Variants in ALDH1A2 observed in about 807,000 individuals in gnomAD.
ALDH1A2 encodes the protein aldehyde dehydrogenase 1 family member A2, also known as retinal dehydrogenase 2.
ALDH1A2 carries 27 observed loss-of-function variants against 60.3 expected under a neutral mutation model. The observed-to-expected ratio is 0.45, with a 90% CI of 0.33 to 0.62. The LOEUF is 0.62. Ranked by LOEUF, ALDH1A2 falls within the 20% of genes least tolerant of loss-of-function variation. The pLI is 0.02. For missense variants in ALDH1A2, 581 were observed against 643.8 expected (o/e 0.90, Z 1.06); for synonymous variants, 289 against 232.4 (o/e 1.24, Z -2.21).
chr15:58,040,201 C>T (rs1412280617), intron 1 of ALDH1A2, among the ~76,000 whole-genome samples: 1 of 151,936 alleles, frequency 6.6e-6, no homozygotes, highest in Non-Finnish European at 1.5e-5. Context: ...GAACACCTCT[C>T]TGCATATTCT....
At chr15:57,958,148 G>C (rs1305506774) in intron 12 of ALDH1A2, among the ~76,000 whole-genome samples, 1 of 152,118 alleles carries the variant, frequency 6.6e-6, no homozygotes, top group Non-Finnish European at 1.5e-5. Context: ...CCCTAGATAC[G>C]CATGCTTAAC....
chr15:58,028,018 G>A (rs1223165918), intron 1 of ALDH1A2, among the ~76,000 whole-genome samples: 2 of 152,128 alleles, frequency 1.3e-5, no homozygotes, highest in Non-Finnish European at 2.9e-5. Flanking sequence ...AGCAAGGCAG[G>A]CCAGCATTCA....
At position 57,953,703 on chromosome 15, in the gene ALDH1A2, G is replaced by GAGTT. The variant is rs1270696299; in HGVS notation, c.*1490_*1493dup. 2.0e-5 allele frequency: 3 copies of GAGTT among 152,354 alleles called. No homozygotes were observed. Among genetic ancestry groups the GAGTT allele is most frequent in the Admixed American group, 6.5e-5 (1 of 15,286 alleles). 9.4% of individuals were successfully genotyped at this position (152,354 alleles called of 1,614,324 possible). On this transcript the variant is annotated 3_prime_UTR_variant, in exon 13 of 13. Transcript: ENST00000249750. ...ACTTTAAAACATCATGGATAGATAA[G>GAGTT]AGTTATAAATAGAAAACTGGTACGG...
intron 1 of ALDH1A2, among the ~76,000 whole-genome samples, chr15:58,047,974 G>C (rs575377374): frequency 2.8e-4 from 42 of 152,136 alleles, no homozygotes; most frequent in Admixed American, 2.6e-3. Flanking sequence ...CATGGTTTTA[G>C]AAAGCTTGCT....
At chr15:58,027,913 C>G (rs1896122463) in intron 1 of ALDH1A2, among the ~76,000 whole-genome samples, 1 of 152,134 alleles carries the variant, frequency 6.6e-6, no homozygotes, top group Non-Finnish European at 1.5e-5. Context: ...AAGACCAACT[C>G]TATGTTTGAT....
rs1410400769 is a variant in ALDH1A2, at chr15:57,954,975, C to T, written c.*222G>A. 3.3e-6 allele frequency: 2 copies of T among 603,196 alleles called. No individual in the cohort carries two copies. Among genetic ancestry groups the T allele is most frequent in the Non-Finnish European group, 5.9e-6 (2 of 337,030 alleles). The allele number at this position is 603,196 out of a possible 1,614,324, so 37.4% of individuals were successfully genotyped here. A position where few individuals can be genotyped will look rare whatever the true frequency, so the allele number is the denominator to read the frequency against. The stretch of plus-strand genomic sequence containing the variant: ...TCCTCCTCCCTTTATCCCACTTTCC[C>T]CAATATTTGGTATGATTAAGGTGGC... On this transcript the variant is annotated 3_prime_UTR_variant, in exon 13 of 13. Coordinates refer to ENST00000249750, the MANE Select transcript of ALDH1A2 (RefSeq NM_003888.4).
At position 58,047,565 on chromosome 15, in the gene ALDH1A2, T is replaced by C. The variant is rs144110297; in HGVS notation, c.117+17969A>G. Among the ~76,000 whole-genome samples the C allele has an allele frequency of 2.4e-3, 363 of 152,128 alleles. 1 individual carries two copies. The highest frequency in any genetic ancestry group is 8.4e-3 in the African/African-American group (348 of 41,538). On this transcript the variant is annotated intron_variant, in intron 1 of 12. Transcript: ENST00000249750. ...AACTGTATTGATGATCATCTCAGTA[T>C]GGCACTCTGTAAGGCTGGTGTCCTT...
chr15:57,956,692 C>G (rs749695924), intron 12 of ALDH1A2, among the ~76,000 whole-genome samples: 4 of 152,234 alleles, frequency 2.6e-5, no homozygotes, highest in Non-Finnish European at 5.9e-5. Flanking sequence ...ATTACCAGCT[C>G]AGCTCTGGCT....
At chr15:57,962,328 G>T in intron 9 of ALDH1A2, 152 bp from the exon 10 acceptor site, 2 of 959,988 alleles carry the variant, frequency 2.1e-6, no homozygotes, top group Non-Finnish European at 3.1e-6. Context: ...ACCAATTTTT[G>T]ACCTACAAAA....
chr15:58,065,630 C>A lies in ALDH1A2; in HGVS notation c.21G>T (p.Glu7Asp), dbSNP rs757014180. The A allele has an allele frequency of 1.9e-6, 3 of 1,603,274 alleles. No homozygotes were observed. Among genetic ancestry groups the A allele is most frequent in the Middle Eastern group, 1.7e-4 (1 of 6,004 alleles). ...GGTCGGCCTTCACCTCGCCGGGCATCTCTATCTTGCTGGAAGTCATGGTGG... is the reference window on the plus strand; with the variant it reads ...GGTCGGCCTTCACCTCGCCGGGCATATCTATCTTGCTGGAAGTCATGGTGG... The part of the protein sequence containing the change: MTSSKI[E>D]MPGEVKADPA... Residue 7 changes from glutamate to aspartate, a missense_variant, in exon 1 of 13, where the codon GAG (glutamate) becomes GAT (aspartate). Physicochemically the swap from Glu to Asp is conservative, Grantham distance 45. This residue lies in a region of ALDH1A2 where 206 missense variants were observed against 174.1 expected (regional missense o/e 1.18). Coordinates refer to ENST00000249750, the MANE Select transcript of ALDH1A2 (RefSeq NM_003888.4).
In ALDH1A2 at chr15:58,060,820, C is replaced by T. The variant is rs1897016316; in HGVS notation, c.117+4714G>A. Among the ~76,000 whole-genome samples the T allele has an allele frequency of 1.3e-5, 2 of 152,186 alleles. 1 individual carries two copies. Among genetic ancestry groups the T allele is most frequent in the South Asian group, 4.1e-4 (2 of 4,834 alleles). On this transcript the variant is annotated intron_variant, in intron 1 of 12. Coordinates refer to ENST00000249750, the MANE Select transcript of ALDH1A2 (RefSeq NM_003888.4). ...ACCCCTGATACTGTCACTAAGATAA[C>T]TCAAGAGACAAAAACTCCTATCAGT...
intron 7 of ALDH1A2, among the ~76,000 whole-genome samples, chr15:57,971,181 G>A (rs1370154827): frequency 2.0e-5 from 3 of 152,206 alleles, no homozygotes; most frequent in Non-Finnish European, 4.4e-5. Context: ...GAACATGCCT[G>A]TGTGTCTTTG....
chr15:58,016,509 T>A (rs1388570758), intron 1 of ALDH1A2, among the ~76,000 whole-genome samples: 1 of 152,208 alleles, frequency 6.6e-6, no homozygotes, highest in Non-Finnish European at 1.5e-5. Flanking sequence ...TCATGACTTT[T>A]GTTTCTTACA....
intron 7 of ALDH1A2, among the ~76,000 whole-genome samples, chr15:57,975,836 T>C (rs74017091): frequency 1.4e-3 from 212 of 151,752 alleles, no homozygotes; most frequent in African/African-American, 4.9e-3. Flanking sequence ...GAGAGAGAGA[T>C]AAGACAGAGA....
chr15:58,024,598 A>T (rs1190409677), intron 1 of ALDH1A2, among the ~76,000 whole-genome samples: 1 of 152,202 alleles, frequency 6.6e-6, no homozygotes, highest in Non-Finnish European at 1.5e-5. Context: ...GACAGACTAC[A>T]ATACAATAGT....
intron 4 of ALDH1A2, among the ~76,000 whole-genome samples, chr15:58,002,598 G>T (rs1379677907): frequency 1.3e-5 from 2 of 151,862 alleles, no homozygotes; most frequent in Non-Finnish European, 2.9e-5. Context: ...AAATGTGCCA[G>T]AAATTGAGAA....
At chr15:57,987,245 CA>C (rs200214704) in intron 7 of ALDH1A2, among the ~76,000 whole-genome samples, 14 of 142,380 alleles carry the variant, frequency 9.8e-5, no homozygotes, top group Non-Finnish European at 9.2e-5. Context: ...AAGTAGAAAG[CA>C]AAAAAAAAAG....
chr15:58,019,435 A>G (rs1374397282), intron 1 of ALDH1A2, among the ~76,000 whole-genome samples: 2 of 152,218 alleles, frequency 1.3e-5, no homozygotes, highest in Non-Finnish European at 2.9e-5. Flanking sequence ...TAGTATGAGG[A>G]AAAATGTGGG....
At chr15:57,962,260 A>T in intron 9 of ALDH1A2, 84 bp from the exon 10 acceptor site, 1 of 1,547,870 alleles carries the variant, frequency 6.5e-7, no homozygotes, top group Non-Finnish European at 8.9e-7. Context: ...CTTTCATTTT[A>T]GGGTTTTTTT....
Sources: allele counts gnomAD v4.1 joint callset (sites outside exome capture counted in the v4.1 genomes callset), GRCh38; gene constraint gnomAD v4.1.1; regional missense constraint gnomAD v4.1.1; transcripts MANE v1.5; gene names NCBI Gene and HGNC (gene_info 2026-07-23, HGNC 2026-07-21).